Variants in NLRP7 observed in about 807,000 individuals in gnomAD.
NLRP7 encodes NACHT, LRR and PYD domains-containing protein 7.
Under a neutral mutation model 85.5 loss-of-function variants are expected in NLRP7, and 72 were observed. The ratio of observed to expected loss-of-function variants is 0.84; its 90% CI spans 0.70 to 1.02. The LOEUF (loss-of-function observed/expected upper bound fraction) is 1.02. Among genes scored for constraint, NLRP7 ranks in the 50% least tolerant of loss-of-function variants. NLRP7 has a pLI of 0.00. For missense variants in NLRP7, 1,243 were observed against 1,219.5 expected, an observed-to-expected ratio of 1.02 and a Z score of -0.29; for synonymous variants, 550 against 505.2, an observed-to-expected ratio of 1.09 and a Z score of -1.19.
upstream of NLRP7, among the ~76,000 whole-genome samples, chr19:54,949,250 C>G (rs1216522134): frequency 6.6e-6 from 1 of 150,928 alleles, no homozygotes; most frequent in Non-Finnish European, 1.5e-5. Flanking sequence ...TGCGCTCCAG[C>G]CTGGGCGACA....
rs886879558 is a variant in NLRP7, at chr19:54,941,402, A to C, written c.277+33T>G. ...ATCTCAAAAAAAAAAAAAAAAAAAAAAAAATGACCAGGACACCCCAGGTTC... is the reference window on the plus strand; with the variant it reads ...ATCTCAAAAAAAAAAAAAAAAAAAACAAAATGACCAGGACACCCCAGGTTC... On this transcript the variant is annotated intron_variant, in intron 2 of 9. Transcript: ENST00000340844. 3 of 1,377,418 alleles carry C rather than the reference A, an allele frequency of 2.2e-6. No individual in the cohort carries two copies. The African/African-American group carries it at 4.4e-5, about 20-fold the overall frequency. 85.3% of individuals were successfully genotyped at this position (1,377,418 alleles called of 1,614,324 possible).
At chr19:54,930,779 A>G in intron 8 of NLRP7, 113 bp from the exon 9 acceptor site, 1 of 893,626 alleles carries the variant, frequency 1.1e-6, no homozygotes, top group East Asian at 2.5e-5. Flanking sequence ...GCAGTGCTGC[A>G]CTCTTGGCTC....
chr19:54,945,261 G>T lies in NLRP7; in HGVS notation c.-40+2208C>A, dbSNP rs544512987. 6.4e-4 allele frequency among the ~76,000 whole-genome samples: 92 copies of T among 144,550 alleles called. 1 individual carries two copies. Among genetic ancestry groups the T allele is most frequent in the Non-Finnish European group, 1.2e-3 (79 of 65,770 alleles). 94.8% of individuals were successfully genotyped at this position (144,550 alleles called of 152,430 possible). A position where few individuals can be genotyped will look rare whatever the true frequency, so the allele number is the denominator to read the frequency against. The stretch of plus-strand genomic sequence containing the variant: ...CTCAAAAAAAAAAAAAAAAAGAAAA[G>T]AAAAGAAAAATTCAGGGTTTTTTTT... On this transcript the variant is annotated intron_variant, in intron 1 of 9. Transcript: ENST00000340844.
chr19:54,959,767 C>G (rs531324457), intron 1 of NLRP7, among the ~76,000 whole-genome samples: 29 of 152,014 alleles, frequency 1.9e-4, no homozygotes, highest in African/African-American at 7.0e-4. Flanking sequence ...GGCAAGCACA[C>G]CTCCTCATCC....
At chr19:54,944,739 C>T (rs1049653771) in intron 1 of NLRP7, among the ~76,000 whole-genome samples, 2 of 151,926 alleles carry the variant, frequency 1.3e-5, no homozygotes, top group African/African-American at 2.4e-5. Flanking sequence ...TCCAGACCAG[C>T]CTGGGCGACA....
chr19:54,936,805 T>G lies in NLRP7; in HGVS notation c.2130-374A>C, dbSNP rs1391284769. 2.6e-5 allele frequency among the ~76,000 whole-genome samples: 4 copies of G among 151,930 alleles called. No homozygotes were observed. In the East Asian group the frequency reaches 5.8e-4, roughly 22 times the overall value. ...AGGGGCATGCTTGTAGTCCCAGGTA[T>G]TCGGGAGGCTGAGGTAGGAGAATCA... On this transcript the variant is annotated intron_variant, in intron 5 of 9. Coordinates refer to ENST00000340844, the Ensembl canonical transcript of NLRP7.
At chr19:54,943,510 A>G (rs2069328713) in intron 1 of NLRP7, among the ~76,000 whole-genome samples, 1 of 147,940 alleles carries the variant, frequency 6.8e-6, no homozygotes, top group Admixed American at 6.7e-5. Context: ...CTGAGGCAGG[A>G]GAATGGCGGG....
chr19:54,932,428 A>G (rs2068718145), intron 8 of NLRP7, among the ~76,000 whole-genome samples: 1 of 145,036 alleles, frequency 6.9e-6, no homozygotes. Flanking sequence ...ACTTCATCCA[A>G]AAAAAAAAAA....
upstream of NLRP7, among the ~76,000 whole-genome samples, chr19:54,951,786 T>C (rs952442884): frequency 6.6e-6 from 1 of 151,732 alleles, no homozygotes; most frequent in African/African-American, 2.4e-5. Flanking sequence ...AGTCTCGCTC[T>C]GTCGCCCAGG....
intron 1 of NLRP7, among the ~76,000 whole-genome samples, chr19:54,942,150 G>T (rs2069257036): frequency 6.6e-6 from 1 of 151,226 alleles, no homozygotes; most frequent in Admixed American, 6.6e-5. Flanking sequence ...CAGCTACTCG[G>T]GAGGCTGAGG....
chr19:54,939,094 C>T (rs73055288), exon 4 of NLRP7: 6 of 1,614,200 alleles, frequency 3.7e-6, no homozygotes, highest in Non-Finnish European at 5.1e-6. Flanking sequence ...GAGACTCATA[C>T]AGGCAGCCCA....
Position 54,963,695 on chromosome 19 carries a change from G to A in NLRP7, c.-77+2345C>T, listed in dbSNP as rs191249191. Among the ~76,000 whole-genome samples the A allele has an allele frequency of 7.4e-4, 112 of 151,474 alleles. 2 individuals are homozygous for A. Among genetic ancestry groups the A allele is most frequent in the African/African-American group, 2.3e-3 (95 of 41,342 alleles). ...GAAAATTAGCCGGGTACAGTGGCAC[G>A]CGCCTGTAATCCCAGCTATTCAGGA... On this transcript the variant is annotated intron_variant, in intron 1 of 2. Transcript: ENST00000587103.
At chr19:54,931,688 A>AAT (rs2068685870) in intron 8 of NLRP7, among the ~76,000 whole-genome samples, 1 of 78,256 alleles carries the variant, frequency 1.3e-5, no homozygotes, top group African/African-American at 4.9e-5. Flanking sequence ...TCCATCTCAA[A>AAT]AAAAAAAAAA....
At chr19:54,925,047 G>A (rs2068373533) in intron 9 of NLRP7, among the ~76,000 whole-genome samples, 1 of 152,164 alleles carries the variant, frequency 6.6e-6, no homozygotes, top group Non-Finnish European at 1.5e-5. Flanking sequence ...CGTGGCTGCA[G>A]CATGCAAGCC....
Position 54,938,770 on chromosome 19 carries a change from C to A in NLRP7, c.1931+118G>T. ...TCCTAATTGCCAAGTCGTGTCTCCA[C>A]GTTGAACATGAAGCTGGAAAGAAGT... On this transcript the variant is annotated intron_variant, in intron 4 of 9. Coordinates refer to ENST00000340844, the Ensembl canonical transcript of NLRP7. 3.5e-6 allele frequency: 4 copies of A among 1,131,276 alleles called. No homozygotes were observed. The South Asian group carries it at 3.7e-5, about 11-fold the overall frequency. 70.1% of individuals were successfully genotyped at this position (1,131,276 alleles called of 1,614,324 possible).
intron 1 of NLRP7, among the ~76,000 whole-genome samples, chr19:54,957,802 C>T (rs901745982): frequency 6.6e-6 from 1 of 152,088 alleles, no homozygotes; most frequent in Admixed American, 6.6e-5. Context: ...CATAGCCCAT[C>T]CAAAGAACCT....
intron 1 of NLRP7, among the ~76,000 whole-genome samples, chr19:54,960,885 A>ACAC (rs1555750594): frequency 2.6e-5 from 4 of 151,706 alleles, no homozygotes; most frequent in Admixed American, 6.6e-5. Flanking sequence ...GTGAGCCACC[A>ACAC]TGCCCAGCAC....
At chr19:54,928,544 T>C (rs1031807648) in intron 9 of NLRP7, among the ~76,000 whole-genome samples, 3 of 152,160 alleles carry the variant, frequency 2.0e-5, no homozygotes, top group Non-Finnish European at 4.4e-5. Context: ...CAATGGATGA[T>C]GGTATTAAAA....
intron 1 of NLRP7, among the ~76,000 whole-genome samples, chr19:54,956,492 C>A (rs572930014): frequency 6.6e-6 from 1 of 151,564 alleles, no homozygotes; most frequent in Non-Finnish European, 1.5e-5. Context: ...GACTTTGAGA[C>A]CACCCTGGTG....
Sources: allele counts gnomAD v4.1 joint callset (sites outside exome capture counted in the v4.1 genomes callset), GRCh38; gene constraint gnomAD v4.1.1; transcripts MANE v1.5; gene names NCBI Gene and HGNC (gene_info 2026-07-23, HGNC 2026-07-21).